EPHX2: variants seen among roughly 807,000 people sequenced by gnomAD.
The protein encoded by EPHX2 is bifunctional epoxide hydrolase 2.
In EPHX2, 74 loss-of-function variants were observed where a neutral mutation model predicts 78.7. That is an observed-to-expected ratio of 0.94 (90% CI 0.78 to 1.14). The LOEUF (loss-of-function observed/expected upper bound fraction) is 1.14. Among genes scored for constraint, EPHX2 ranks in the 50% most tolerant of loss-of-function variants. The pLI, the probability that EPHX2 is intolerant of heterozygous loss-of-function variation, is 0.00. For missense variants in EPHX2, 715 were observed against 702.5 expected (o/e 1.02, Z -0.20); for synonymous variants, 251 against 255.2 (o/e 0.98, Z 0.16).
chr8:27,516,892 T>G (rs72475848), intron 8 of EPHX2, among the ~76,000 whole-genome samples: 2,297 of 151,980 alleles, frequency 0.015, 51 homozygotes, highest in African/African-American at 0.053. Context: ...TCCTCCATGT[T>G]ATAGACGGCA....
At chr8:27,496,629 T>C (rs546318593) in intron 1 of EPHX2, among the ~76,000 whole-genome samples, 16 of 152,346 alleles carry the variant, frequency 1.1e-4, no homozygotes, top group African/African-American at 3.8e-4. Context: ...TCGGTTTTTG[T>C]ACTCCTGGAA....
chr8:27,491,935 C>T (rs1813393897), intron 1 of EPHX2, among the ~76,000 whole-genome samples: 1 of 150,526 alleles, frequency 6.6e-6, no homozygotes, highest in Non-Finnish European at 1.5e-5. Context: ...TTTTCTTTCT[C>T]TCTCTCTTTT....
chr8:27,524,241 T>C (rs1814748080), intron 11 of EPHX2, among the ~76,000 whole-genome samples: 1 of 152,130 alleles, frequency 6.6e-6, no homozygotes, highest in African/African-American at 2.4e-5. Flanking sequence ...CCGTCTTTTC[T>C]ATTCCTTTTG....
At chr8:27,507,354 G>A (rs1013805246) in intron 5 of EPHX2, among the ~76,000 whole-genome samples, 10 of 152,174 alleles carry the variant, frequency 6.6e-5, no homozygotes, top group Admixed American at 2.0e-4. Flanking sequence ...CGAGCATGCC[G>A]CTGGCACTCA....
At chr8:27,509,674 T>TGTGTCAC (rs2132731807) in intron 5 of EPHX2, among the ~76,000 whole-genome samples, 1 of 152,278 alleles carries the variant, frequency 6.6e-6, no homozygotes, top group South Asian at 2.1e-4. Flanking sequence ...CCACCGTGCC[T>TGTGTCAC]GGCCAAAATT....
At chr8:27,501,322 A>T (rs941048554) in intron 2 of EPHX2, among the ~76,000 whole-genome samples, 1 of 115,576 alleles carries the variant, frequency 8.7e-6, no homozygotes, top group Admixed American at 8.4e-5. Flanking sequence ...AATGCTATAT[A>T]TTTTCTTCTT....
rs72475829 is a variant in EPHX2, at chr8:27,513,397, G to A, written c.735+1487G>A. ...CAGGGCTGGGGGCTGGATTGTAACCGTGGACAGGGTTATTCTCATAATTCC... is the reference window on the plus strand; with the variant it reads ...CAGGGCTGGGGGCTGGATTGTAACCATGGACAGGGTTATTCTCATAATTCC... On this transcript the variant is annotated intron_variant, in intron 6 of 18. Coordinates refer to ENST00000521400, the MANE Select transcript of EPHX2 (RefSeq NM_001979.6). 1.4e-4 allele frequency among the ~76,000 whole-genome samples: 22 copies of A among 152,280 alleles called. No homozygotes were observed. The East Asian group carries it at 2.7e-3, about 19-fold the overall frequency.
intron 1 of EPHX2, among the ~76,000 whole-genome samples, chr8:27,492,455 T>C: frequency 6.6e-6 from 1 of 152,208 alleles, no homozygotes; most frequent in East Asian, 1.9e-4. Context: ...GCTATAGTTG[T>C]GTCCAGAGTT....
chr8:27,502,611 T>G (rs942950250), intron 2 of EPHX2, among the ~76,000 whole-genome samples: 1 of 152,142 alleles, frequency 6.6e-6, no homozygotes, highest in African/African-American at 2.4e-5. Context: ...CTTCTTGGTT[T>G]GCAGATGGCC....
At chr8:27,515,523 G>A in intron 6 of EPHX2, 195 bp from the exon 7 acceptor site, 1 of 570,966 alleles carries the variant, frequency 1.8e-6, no homozygotes, top group Non-Finnish European at 3.1e-6. Context: ...AGAGCCACCT[G>A]TTTTTATTGA....
intron 5 of EPHX2, among the ~76,000 whole-genome samples, chr8:27,510,973 G>A (rs1327932384): frequency 2.0e-5 from 3 of 152,012 alleles, no homozygotes; most frequent in Non-Finnish European, 2.9e-5. Flanking sequence ...CAGAGATTAG[G>A]ACACACACAG....
At chr8:27,538,586 G>A in intron 13 of EPHX2, 73 bp from the exon 14 acceptor site, 1 of 1,401,720 alleles carries the variant, frequency 7.1e-7, no homozygotes, top group Non-Finnish European at 9.9e-7. Flanking sequence ...GTCGTAACAG[G>A]GTTTTCAGAT....
intron 5 of EPHX2, among the ~76,000 whole-genome samples, chr8:27,511,208 C>T (rs566644834): frequency 6.6e-6 from 1 of 152,252 alleles, no homozygotes; most frequent in African/African-American, 2.4e-5. Flanking sequence ...ATACAAAGGC[C>T]CAGAGAGTTT....
intron 8 of EPHX2, among the ~76,000 whole-genome samples, chr8:27,517,118 T>C (rs1249888025): frequency 6.6e-6 from 1 of 152,094 alleles, no homozygotes; most frequent in Non-Finnish European, 1.5e-5. Flanking sequence ...CCCACTTTGC[T>C]GGATACATTT....
intron 6 of EPHX2, 110 bp from the exon 7 acceptor site, chr8:27,515,608 C>A: frequency 1.1e-6 from 1 of 873,942 alleles, no homozygotes; most frequent in South Asian, 1.6e-5. Flanking sequence ...CTGGGTCATG[C>A]ACAATCCAGC....
intron 12 of EPHX2, among the ~76,000 whole-genome samples, chr8:27,531,395 C>A (rs545316645): frequency 6.6e-6 from 1 of 152,306 alleles, no homozygotes; most frequent in East Asian, 1.9e-4. Context: ...CTCATCTGAC[C>A]AGCCACACTG....
chr8:27,503,386 G>A (rs1813870974), intron 2 of EPHX2, among the ~76,000 whole-genome samples: 1 of 152,132 alleles, frequency 6.6e-6, no homozygotes, highest in Admixed American at 6.5e-5. Context: ...CTGTTAGTGG[G>A]CATTTGGGTC....
At position 27,540,581 on chromosome 8, in the gene EPHX2, A is replaced by G. The variant is rs1815366280; in HGVS notation, c.1304A>G (p.Glu435Gly). ...AGGLFVNSPE[E>G]PSLSRMVTEE... ...GGACTTTTTGTAAATAGCCCAGAAG[A>G]GCCCAGCCTCAGCAGGATGGTCACT... The change falls in exon 15 of 19, where the codon GAG (glutamate) becomes GGG (glycine). Residue 435 changes from glutamate (E) to glycine (G), a missense_variant. By Grantham distance (98) the Glu-to-Gly change is moderately conservative. Coordinates refer to ENST00000521400, the MANE Select transcript of EPHX2 (RefSeq NM_001979.6). The G allele has an allele frequency of 6.2e-7, 1 of 1,614,052 alleles. No individual in the cohort carries two copies. Among genetic ancestry groups the G allele is most frequent in the Admixed American group, 1.7e-5 (1 of 60,002 alleles).
chr8:27,530,065 CTCTT>C (rs1320266988), intron 12 of EPHX2, among the ~76,000 whole-genome samples: 4 of 128,048 alleles, frequency 3.1e-5, no homozygotes, highest in Admixed American at 2.8e-4. Flanking sequence ...GAGTCTCTCT[CTCTT>C]TTTTTTTTTT....
Sources: gnomAD v4.1 joint callset for allele counts (sites outside exome capture counted in the v4.1 genomes callset) on GRCh38, gnomAD v4.1.1 for gene constraint, MANE v1.5 for transcripts, NCBI Gene and HGNC (gene_info 2026-07-23, HGNC 2026-07-21) for gene names.